The following PHACTR3 variants were observed in gnomAD, a reference collection of about 807,000 sequenced individuals.
The protein encoded by PHACTR3 is protein phosphatase 1, regulatory subunit 123.
PHACTR3 carries 16 observed loss-of-function variants against 66.8 expected under a neutral mutation model. That is an observed-to-expected ratio of 0.24 (90% CI 0.16 to 0.36). The LOEUF (loss-of-function observed/expected upper bound fraction) is 0.36. Among genes scored for constraint, PHACTR3 ranks in the 10% least tolerant of loss-of-function variants. The probability of loss-of-function intolerance (pLI) is 1.00; values close to 1 mark genes in which losing one functional copy is unlikely to be tolerated. For missense variants in PHACTR3, 647 were observed against 719.9 expected (o/e 0.90, Z 1.16); for synonymous variants, 323 against 292.1 (o/e 1.11, Z -1.08).
At chr20:59,742,588 G>A (rs1467317690) in intron 1 of PHACTR3, among the ~76,000 whole-genome samples, 11 of 152,222 alleles carry the variant, frequency 7.2e-5, no homozygotes, top group Admixed American at 7.2e-4. Flanking sequence ...CAGCCTGGTG[G>A]GAGGGCAGGC....
chr20:59,699,098 A>G (rs1239769240), intron 1 of PHACTR3, among the ~76,000 whole-genome samples: 2 of 152,214 alleles, frequency 1.3e-5, no homozygotes, highest in African/African-American at 4.8e-5. Context: ...TTATAAGCCC[A>G]GAAGATTCCA....
Position 59,598,049 on chromosome 20 carries a change from T to C in PHACTR3, c.109+20432T>C, listed in dbSNP as rs535317126. 3.3e-5 allele frequency among the ~76,000 whole-genome samples: 5 copies of C among 152,320 alleles called. No individual in the cohort carries two copies. In the South Asian group the frequency reaches 6.2e-4, roughly 19 times the overall value. On this transcript the variant is annotated intron_variant, in intron 1 of 12. Coordinates refer to the PHACTR3 transcript ENST00000359926. ...ATGGAGGAAAAGTCACCTGGAGGTC[T>C]ATAGCTTTGTGCTGACAACATACAA...
rs544379720 is a variant in PHACTR3 at position 59,722,949 on chromosome 20, C to T, written c.119-20158C>T. ...GTGCTGGGAAAGACGCCCTGTGGCT[C>T]TCAACCAGCTCAGCCTATGGCCCTG... is the stretch of plus-strand genomic sequence containing the variant. On this transcript the variant is annotated intron_variant, in intron 1 of 12. Coordinates refer to ENST00000371015, the MANE Select transcript of PHACTR3 (RefSeq NM_080672.5). Among the ~76,000 whole-genome samples the T allele has an allele frequency of 1.0e-3, 152 of 152,120 alleles. 1 individual carries two copies. The highest frequency in any genetic ancestry group is 3.3e-3 in the African/African-American group (139 of 41,526).
At chr20:59,684,792 C>T (rs2036795911) in intron 1 of PHACTR3, among the ~76,000 whole-genome samples, 1 of 152,198 alleles carries the variant, frequency 6.6e-6, no homozygotes, top group African/African-American at 2.4e-5. Context: ...TTGGGAGATG[C>T]TCTGAAAATG....
chr20:59,785,677 T>G (rs957223601), intron 7 of PHACTR3, among the ~76,000 whole-genome samples: 2 of 152,130 alleles, frequency 1.3e-5, no homozygotes, highest in Non-Finnish European at 2.9e-5. Flanking sequence ...TCAAGAGCGT[T>G]TATTGAGCAC....
chr20:59,593,054 G>C (rs1228444442), intron 1 of PHACTR3, among the ~76,000 whole-genome samples: 1 of 152,198 alleles, frequency 6.6e-6, no homozygotes, highest in East Asian at 1.9e-4. Flanking sequence ...AGAATTTTTA[G>C]TTTTGTAAGA....
intron 1 of PHACTR3, among the ~76,000 whole-genome samples, chr20:59,691,588 T>A (rs2037108607): frequency 6.6e-6 from 1 of 152,154 alleles, no homozygotes; most frequent in Non-Finnish European, 1.5e-5. Context: ...AGAAGTCCCT[T>A]TCCCTCATAC....
intron 1 of PHACTR3, among the ~76,000 whole-genome samples, chr20:59,610,010 T>C (rs1008952128): frequency 4.6e-5 from 7 of 152,210 alleles, no homozygotes; most frequent in African/African-American, 1.7e-4. Context: ...TCCCAGCAGT[T>C]TGAGAGGCCT....
At position 59,820,427 on chromosome 20, in the gene PHACTR3, A is replaced by G. The variant is rs2042002686; in HGVS notation, c.1328+14233A>G. Among the ~76,000 whole-genome samples, 1 of 152,214 alleles carries G rather than the reference A, an allele frequency of 6.6e-6. No homozygotes were observed. The highest frequency in any genetic ancestry group is 2.4e-5 in the African/African-American group (1 of 41,456). On this transcript the variant is annotated intron_variant, in intron 8 of 12. Coordinates refer to ENST00000371015, the MANE Select transcript of PHACTR3 (RefSeq NM_080672.5). This position sits in a 1 kb window ranked among gnomAD's most constrained non-coding sequence, Gnocchi z 4.6. ...TATGGATCTTGTACGTTCTGCTTTTAGATGGAGGTAGCTAAGCAACAGAAC... is the reference window on the plus strand; with the variant it reads ...TATGGATCTTGTACGTTCTGCTTTTGGATGGAGGTAGCTAAGCAACAGAAC...
chr20:59,704,958 CTT>C (rs552743155), intron 1 of PHACTR3, among the ~76,000 whole-genome samples: 7,427 of 139,664 alleles, frequency 0.053, 206 homozygotes, highest in Non-Finnish European at 0.082. Flanking sequence ...AAGACTTTCT[CTT>C]TTTTTTTTTT....
At chr20:59,639,979 T>C (rs2035045139) in intron 1 of PHACTR3, among the ~76,000 whole-genome samples, 1 of 152,178 alleles carries the variant, frequency 6.6e-6, no homozygotes. Context: ...AATTCTGGCA[T>C]TGTAAGAGAG....
At chr20:59,743,664 G>A (rs1418268298) in intron 2 of PHACTR3, among the ~76,000 whole-genome samples, 2 of 152,332 alleles carry the variant, frequency 1.3e-5, no homozygotes, top group East Asian at 1.9e-4. Context: ...CGCGACTCCC[G>A]CACCACCTCA....
intron 7 of PHACTR3, among the ~76,000 whole-genome samples, chr20:59,800,459 T>C (rs1419760036): frequency 6.6e-6 from 1 of 152,220 alleles, no homozygotes; most frequent in Non-Finnish European, 1.5e-5. Flanking sequence ...TTTTTTTCTT[T>C]CATTACTTTG....
At chr20:59,628,850 A>C (rs2034560770) in intron 1 of PHACTR3, 1 of 979,522 alleles carries the variant, frequency 1.0e-6, no homozygotes, top group African/African-American at 1.8e-5. Flanking sequence ...TTTTAATACA[A>C]TTGTTCACAC....
At chr20:59,579,858 T>C (rs2032811781) in intron 1 of PHACTR3, among the ~76,000 whole-genome samples, 1 of 151,976 alleles carries the variant, frequency 6.6e-6, no homozygotes, top group Non-Finnish European at 1.5e-5. Flanking sequence ...ACTGGGTGGA[T>C]GGTGGTGCTG....
chr20:59,649,981 T>A (rs147530245), intron 1 of PHACTR3, among the ~76,000 whole-genome samples: 1 of 152,192 alleles, frequency 6.6e-6, no homozygotes, highest in Non-Finnish European at 1.5e-5. Flanking sequence ...TGGAAGAATT[T>A]CTTTTGGCAA....
chr20:59,687,061 ATGG>A (rs200602384), intron 1 of PHACTR3, among the ~76,000 whole-genome samples: 137 of 150,428 alleles, frequency 9.1e-4, no homozygotes, highest in Non-Finnish European at 1.6e-3. Flanking sequence ...GATTGTGATG[ATGG>A]TGGTGATGAT....
intron 4 of PHACTR3, among the ~76,000 whole-genome samples, chr20:59,760,631 G>A (rs2039965360): frequency 1.3e-5 from 2 of 152,150 alleles, no homozygotes; most frequent in Admixed American, 1.3e-4. Flanking sequence ...ATGGAACTAT[G>A]AGTCCATTAA....
rs781641700 is a variant in PHACTR3 at position 59,806,022 on chromosome 20, C to T, written c.1175-19C>T. On this transcript the variant is annotated intron_variant, in intron 7 of 12. Transcript: ENST00000371015. ...TCCTTTGTTCCCTTCTCTCCTCTTGCCCTGGATGGGGCTTTTAGGAACACT... is the reference window on the plus strand; with the variant it reads ...TCCTTTGTTCCCTTCTCTCCTCTTGTCCTGGATGGGGCTTTTAGGAACACT... 1 of 1,609,646 alleles carries T rather than the reference C, an allele frequency of 6.2e-7. No individual in the cohort carries two copies. The highest frequency in any genetic ancestry group is 1.7e-5 in the Admixed American group (1 of 59,374).
Sources: gnomAD v4.1 joint callset for allele counts (sites outside exome capture counted in the v4.1 genomes callset) on GRCh38, gnomAD v4.1.1 for gene constraint, Gnocchi (gnomAD v3.1) non-coding constraint, MANE v1.5 for transcripts, NCBI Gene and HGNC (gene_info 2026-07-23, HGNC 2026-07-21) for gene names.